Variants in STMN2 observed in about 807,000 individuals in gnomAD.
The protein encoded by STMN2 is stathmin 2.
A neutral mutation model predicts 24.1 loss-of-function variants in STMN2; 2 were observed. That is an observed-to-expected ratio of 0.08 (90% CI 0.03 to 0.26). The LOEUF (loss-of-function observed/expected upper bound fraction) is 0.26, where lower values mean the gene tolerates loss of function less well. STMN2 is among the 10% of genes least tolerant of loss of function. The pLI is 1.00. For missense variants in STMN2, 114 were observed against 213.6 expected (o/e 0.53, Z 2.91); for synonymous variants, 83 against 77.5 (o/e 1.07, Z -0.37).
chr8:79,613,714 G>A (rs13255279), intron 1 of STMN2: 351,120 of 985,166 alleles, frequency 0.36, 63,002 homozygotes, highest in South Asian at 0.42. Flanking sequence ...TGTTGCGTTC[G>A]CTTTGCTTCC....
intron 1 of STMN2, among the ~76,000 whole-genome samples, chr8:79,621,995 G>C (rs1037732474): frequency 1.3e-5 from 2 of 152,102 alleles, no homozygotes; most frequent in African/African-American, 4.8e-5. Flanking sequence ...AGCTTGTCTT[G>C]GAACTCAAAC....
At chr8:79,658,418 T>C (rs1334391358) in intron 4 of STMN2, among the ~76,000 whole-genome samples, 1 of 152,186 alleles carries the variant, frequency 6.6e-6, no homozygotes, top group Non-Finnish European at 1.5e-5. Context: ...ACCTTTGTAA[T>C]ATCATTACCA....
At chr8:79,656,849 C>T (rs1806383200) in intron 4 of STMN2, among the ~76,000 whole-genome samples, 1 of 152,086 alleles carries the variant, frequency 6.6e-6, no homozygotes, top group Admixed American at 6.5e-5. Flanking sequence ...TACACATACC[C>T]AAACACACGG....
In STMN2 at chr8:79,665,350, C is replaced by A. The variant is rs558883894; in HGVS notation, c.*476C>A. ...TGTTGTCTCTGAGCTTGACTAAGAC[C>A]ATACCTAGATCACAGGTATTATGAC... On this transcript the variant is annotated 3_prime_UTR_variant, in exon 5 of 5. Coordinates refer to ENST00000220876, the MANE Select transcript of STMN2 (RefSeq NM_007029.4). 2 of 154,582 alleles carry A rather than the reference C, an allele frequency of 1.3e-5. No individual in the cohort carries two copies. Among genetic ancestry groups the A allele is most frequent in the Non-Finnish European group, 2.9e-5 (2 of 68,538 alleles). The allele number at this position is 154,582 out of a possible 1,614,324, so 9.6% of individuals were successfully genotyped here.
In STMN2 at chr8:79,665,007, A is replaced by G; in HGVS notation, c.*133A>G. The G allele has an allele frequency of 1.3e-6, 1 of 798,100 alleles. No individual in the cohort carries two copies. The highest frequency in any genetic ancestry group is 1.7e-6 in the Non-Finnish European group (1 of 579,690). 49.4% of individuals were successfully genotyped at this position (798,100 alleles called of 1,614,324 possible). ...CTCATTATAAAAAAAAAAAAACAAA[A>G]AAAATCAAAAATTAAAAAAAATCAA... On this transcript the variant is annotated 3_prime_UTR_variant, in exon 5 of 5. Coordinates refer to ENST00000220876, the MANE Select transcript of STMN2 (RefSeq NM_007029.4).
chr8:79,615,211 A>G (rs1232219977), intron 1 of STMN2, among the ~76,000 whole-genome samples: 2 of 152,242 alleles, frequency 1.3e-5, no homozygotes, highest in Non-Finnish European at 2.9e-5. Context: ...GGCCATCTTT[A>G]GGAAAATTCC....
chr8:79,654,126 T>C (rs1810396287), intron 3 of STMN2, among the ~76,000 whole-genome samples: 1 of 152,190 alleles, frequency 6.6e-6, no homozygotes, highest in South Asian at 2.1e-4. Flanking sequence ...TATCAAGTGC[T>C]CCAGTGATTA....
intron 1 of STMN2, chr8:79,611,798 C>G: frequency 1.2e-6 from 1 of 821,106 alleles, no homozygotes; most frequent in Non-Finnish European, 1.4e-6. Flanking sequence ...GGAGGTAAGA[C>G]GGCGGGGGAC....
rs773522261 is a variant in STMN2, at chr8:79,631,430, A to C, written c.20-5372A>C. 88 of 985,088 alleles carry C rather than the reference A, an allele frequency of 8.9e-5. 1 individual carries two copies. The highest frequency in any genetic ancestry group is 1.0e-4 in the Non-Finnish European group (84 of 829,720). The allele number at this position is 985,088 out of a possible 1,614,324, so 61.0% of individuals were successfully genotyped here. A position where few individuals can be genotyped will look rare whatever the true frequency, so the allele number is the denominator to read the frequency against. On this transcript the variant is annotated intron_variant, in intron 1 of 4. Transcript: ENST00000220876. ...CTTAGAAAACCAAATTTTTGTAGAG[A>C]GAGATGGGTAGAATCTAATTTTATT...
chr8:79,619,596 C>A (rs1176072213), intron 1 of STMN2, among the ~76,000 whole-genome samples: 2 of 152,158 alleles, frequency 1.3e-5, no homozygotes, highest in South Asian at 2.1e-4. Context: ...TCGGGAAGAA[C>A]ATTAATCATC....
At chr8:79,630,416 T>G (rs1283639893) in intron 1 of STMN2, among the ~76,000 whole-genome samples, 1 of 152,180 alleles carries the variant, frequency 6.6e-6, no homozygotes, top group African/African-American at 2.4e-5. Flanking sequence ...ACATGTGAGA[T>G]AGAAGTCAAC....
intron 1 of STMN2, among the ~76,000 whole-genome samples, chr8:79,628,151 AT>A (rs548874108): frequency 4.7e-5 from 7 of 150,290 alleles, no homozygotes; most frequent in Middle Eastern, 3.4e-3. Flanking sequence ...TAGTAGTTTT[AT>A]TTTTTTTTAT....
At chr8:79,616,195 C>T (rs1365987170) in intron 1 of STMN2, among the ~76,000 whole-genome samples, 1 of 152,110 alleles carries the variant, frequency 6.6e-6, no homozygotes, top group Non-Finnish European at 1.5e-5. Context: ...CTTTCTTTTC[C>T]ATTTAAAGAT....
At chr8:79,660,227 G>A (rs1806474952) in intron 4 of STMN2, among the ~76,000 whole-genome samples, 1 of 152,162 alleles carries the variant, frequency 6.6e-6, no homozygotes, top group African/African-American at 2.4e-5. Flanking sequence ...TTACTGAAGA[G>A]GACTTCTACT....
chr8:79,636,397 C>T (rs570804598), intron 1 of STMN2, among the ~76,000 whole-genome samples: 35 of 152,266 alleles, frequency 2.3e-4, no homozygotes, highest in African/African-American at 7.9e-4. Context: ...AGTAGCCCTC[C>T]GGAATCTTAC....
chr8:79,617,128 A>G (rs1466574829), intron 1 of STMN2, among the ~76,000 whole-genome samples: 1 of 144,946 alleles, frequency 6.9e-6, no homozygotes, highest in Admixed American at 6.9e-5. Flanking sequence ...ATTCTTAAGA[A>G]TTTATTGAGT....
At chr8:79,611,274 T>G (rs1174337645) in intron 1 of STMN2, 60 bp downstream of exon 1, 2 of 1,601,922 alleles carry the variant, frequency 1.2e-6, no homozygotes, top group African/African-American at 1.3e-5. Flanking sequence ...TCACCTCCTC[T>G]CTTGAGCTCT....
intron 3 of STMN2, among the ~76,000 whole-genome samples, chr8:79,651,259 C>A (rs575536395): frequency 6.6e-6 from 1 of 152,186 alleles, no homozygotes; most frequent in African/African-American, 2.4e-5. Flanking sequence ...CTCTGTACTG[C>A]CTTCTGTTTC....
At chr8:79,662,273 T>C (rs567929711) in intron 4 of STMN2, among the ~76,000 whole-genome samples, 1 of 152,052 alleles carries the variant, frequency 6.6e-6, no homozygotes, top group Non-Finnish European at 1.5e-5. Context: ...CAGAAAACAT[T>C]GTAAATTTAG....
Sources: gnomAD v4.1 joint callset for allele counts (sites outside exome capture counted in the v4.1 genomes callset) on GRCh38, gnomAD v4.1.1 for gene constraint, MANE v1.5 for transcripts, NCBI Gene and HGNC (gene_info 2026-07-23, HGNC 2026-07-21) for gene names.